The following FAM133B variants were observed in gnomAD, a reference collection of about 807,000 sequenced individuals.
The protein encoded by FAM133B is protein FAM133B.
FAM133B carries 25 observed loss-of-function variants against 46.4 expected under a neutral mutation model. The observed-to-expected ratio is 0.54, with a 90% CI of 0.39 to 0.75. FAM133B has a LOEUF of 0.75. Ranked by LOEUF, FAM133B falls within the 30% of genes least tolerant of loss-of-function variation. The pLI is 0.00. For synonymous variants in FAM133B, 75 were observed against 86.0 expected, an observed-to-expected ratio of 0.87 and a Z score of 0.71; for missense variants, 205 against 277.6, an observed-to-expected ratio of 0.74 and a Z score of 1.86.
At chr7:92,570,881 A>C (rs938130438) in intron 8 of FAM133B, among the ~76,000 whole-genome samples, 1 of 152,162 alleles carries the variant, frequency 6.6e-6, no homozygotes, top group South Asian at 2.1e-4. Flanking sequence ...ATCAGAAATT[A>C]AACACCATTA....
At chr7:92,584,207 C>A (rs1794975047) in intron 1 of FAM133B, among the ~76,000 whole-genome samples, 1 of 152,018 alleles carries the variant, frequency 6.6e-6, no homozygotes, top group Non-Finnish European at 1.5e-5. Context: ...CCACCGTGCC[C>A]AGTCAATAGA....
At chr7:92,568,649 C>T (rs1039384537) in intron 9 of FAM133B, among the ~76,000 whole-genome samples, 127 of 151,616 alleles carry the variant, frequency 8.4e-4, no homozygotes, top group African/African-American at 2.8e-3. Context: ...ATTATAAGCA[C>T]GAGCCACTGC....
intron 4 of FAM133B, 27 bp downstream of exon 4, chr7:92,578,292 A>G (rs565927683): frequency 6.2e-7 from 1 of 1,610,048 alleles, no homozygotes; most frequent in African/African-American, 1.3e-5. Flanking sequence ...GAGATTAAGA[A>G]TAGCAATAAA....
At chr7:92,582,079 C>T (rs902134231) in intron 1 of FAM133B, among the ~76,000 whole-genome samples, 4 of 151,788 alleles carry the variant, frequency 2.6e-5, no homozygotes, top group Admixed American at 2.6e-4. Flanking sequence ...TGAAACCCTG[C>T]CTCTACTAAA....
intron 1 of FAM133B, among the ~76,000 whole-genome samples, chr7:92,582,851 G>A (rs2116417727): frequency 6.6e-6 from 1 of 152,326 alleles, no homozygotes; most frequent in South Asian, 2.1e-4. Context: ...TAGCAAGGAT[G>A]CAGAGAAACT....
rs1585309376 is a variant in FAM133B at position 92,578,239 on chromosome 7, C to T, written c.277-57G>A. The T allele has an allele frequency of 3.8e-6, 6 of 1,597,638 alleles. No individual in the cohort carries two copies. In the East Asian group the frequency reaches 1.3e-4, roughly 36 times the overall value. On this transcript the variant is annotated intron_variant, in intron 4 of 10. Coordinates refer to ENST00000445716, the MANE Select transcript of FAM133B (RefSeq NM_152789.4). Reference sequence around the variant, plus strand: ...AGCTGATGTGAGTTTGCAAATGCATCTATTAACAGTAGTATACAGCATTAT... The same window carrying T: ...AGCTGATGTGAGTTTGCAAATGCATTTATTAACAGTAGTATACAGCATTAT...
chr7:92,576,867 A>G (rs2116402785), intron 7 of FAM133B, among the ~76,000 whole-genome samples: 1 of 152,238 alleles, frequency 6.6e-6, no homozygotes, highest in East Asian at 1.9e-4. Flanking sequence ...TTATGAAAAC[A>G]GGGACAATAA....
chr7:92,576,437 C>A (rs185283792), intron 7 of FAM133B, among the ~76,000 whole-genome samples: 62 of 150,540 alleles, frequency 4.1e-4, no homozygotes, highest in African/African-American at 1.5e-3. Context: ...GGTATTTTGC[C>A]AGAAGATCTC....
intron 10 of FAM133B, among the ~76,000 whole-genome samples, chr7:92,563,862 C>A (rs1227463450): frequency 6.6e-6 from 1 of 152,186 alleles, no homozygotes; most frequent in Non-Finnish European, 1.5e-5. Context: ...CATCTAAGTT[C>A]AAAATGTATC....
intron 2 of FAM133B, among the ~76,000 whole-genome samples, chr7:92,579,691 C>A (rs914703440): frequency 1.3e-5 from 2 of 152,164 alleles, no homozygotes; most frequent in Non-Finnish European, 2.9e-5. Flanking sequence ...ATCCTCACAA[C>A]GACCCTCTGA....
chr7:92,578,089 TCTTA>T, intron 5 of FAM133B, 57 bp downstream of exon 5: 2 of 1,429,876 alleles, frequency 1.4e-6, no homozygotes, highest in South Asian at 1.2e-5. Flanking sequence ...AACAAATTAT[TCTTA>T]CTTTTTTTGT....
intron 8 of FAM133B, among the ~76,000 whole-genome samples, chr7:92,571,401 C>G (rs1794526111): frequency 1.3e-5 from 2 of 152,110 alleles, no homozygotes; most frequent in African/African-American, 4.8e-5. Context: ...TTGTGTTATA[C>G]ATTCTTAGAA....
chr7:92,581,226 A>T (rs1794859164), intron 2 of FAM133B, among the ~76,000 whole-genome samples: 1 of 152,258 alleles, frequency 6.6e-6, no homozygotes. Context: ...AATAGCTTTG[A>T]CCACTGCAAG....
chr7:92,568,757 G>T (rs1002404068), intron 9 of FAM133B, among the ~76,000 whole-genome samples: 2 of 152,038 alleles, frequency 1.3e-5, no homozygotes, highest in African/African-American at 2.4e-5. Flanking sequence ...ATGGGGTCTT[G>T]CTATGTCACC....
At chr7:92,588,179 C>T (rs1476034244) in intron 1 of FAM133B, among the ~76,000 whole-genome samples, 1 of 152,176 alleles carries the variant, frequency 6.6e-6, no homozygotes, top group East Asian at 1.9e-4. Flanking sequence ...TACCAGAATA[C>T]TCTGTGCCAT....
rs549619549 is a variant in FAM133B, at chr7:92,584,870, T to C, written c.25-3267A>G. Among the ~76,000 whole-genome samples the C allele has an allele frequency of 2.6e-5, 4 of 152,180 alleles. 1 individual carries two copies. Among genetic ancestry groups the C allele is most frequent in the Admixed American group, 2.6e-4 (4 of 15,282 alleles). Reference sequence around the variant, plus strand: ...TCAAAGCGTCCTCCTACTTGGGTAATAAAATTTGGCCCAAAAAGCCAGGTG... The same window carrying C: ...TCAAAGCGTCCTCCTACTTGGGTAACAAAATTTGGCCCAAAAAGCCAGGTG... On this transcript the variant is annotated intron_variant, in intron 1 of 10. Transcript: ENST00000445716.
chr7:92,567,171 T>C (rs1013334957), intron 9 of FAM133B, among the ~76,000 whole-genome samples: 1 of 152,168 alleles, frequency 6.6e-6, no homozygotes, highest in Non-Finnish European at 1.5e-5. Context: ...GATCTATGAC[T>C]GCACCATTGC....
chr7:92,567,494 T>C (rs1296276963), intron 9 of FAM133B, among the ~76,000 whole-genome samples: 1 of 151,956 alleles, frequency 6.6e-6, no homozygotes, highest in Non-Finnish European at 1.5e-5. Context: ...CTAAAAAAAA[T>C]ATAACACATT....
chr7:92,579,250 A>T (rs1276150106), intron 3 of FAM133B, 67 bp downstream of exon 3: 34 of 1,399,460 alleles, frequency 2.4e-5, no homozygotes, highest in Non-Finnish European at 3.2e-5. Context: ...AAGTGCTGGA[A>T]TTATAGGTAT....
Sources: gnomAD v4.1 joint callset for allele counts (sites outside exome capture counted in the v4.1 genomes callset) on GRCh38, gnomAD v4.1.1 for gene constraint, MANE v1.5 for transcripts, NCBI Gene and HGNC (gene_info 2026-07-23, HGNC 2026-07-21) for gene names.